CCSER2: variants seen among roughly 807,000 people sequenced by gnomAD.
The protein encoded by CCSER2 is serine-rich coiled-coil domain-containing protein 2.
Under a neutral mutation model 92.3 loss-of-function variants are expected in CCSER2, and 46 were observed. The ratio of observed to expected loss-of-function variants is 0.50; its 90% confidence interval spans 0.39 to 0.64. CCSER2 has a LOEUF of 0.64. Among genes scored for constraint, CCSER2 ranks in the 30% least tolerant of loss-of-function variants. The probability of loss-of-function intolerance (pLI) is 0.00; values close to 1 mark genes in which losing one functional copy is unlikely to be tolerated. For synonymous variants in CCSER2, 433 were observed against 431.4 expected (o/e 1.00, Z -0.04); for missense variants, 1,244 against 1,238.9 (o/e 1.00, Z -0.06).
Position 84,495,112 on chromosome 10 carries a change from T to C in CCSER2, c.2325+17448T>C, listed in dbSNP as rs144806103. 8.9e-3 allele frequency among the ~76,000 whole-genome samples: 1,359 copies of C among 151,936 alleles called. 12 individuals are homozygous for C. Among genetic ancestry groups the C allele is most frequent in the Non-Finnish European group, 0.013 (893 of 67,932 alleles). ...CTCTACTTCAGCTGTTTCCTACATA[T>C]TATATATTTTTTCAGCTGTTTCCTA... On this transcript the variant is annotated intron_variant, in intron 9 of 9. Transcript: ENST00000372088.
chr10:84,374,827 G>A (rs1846243588), intron 3 of CCSER2, among the ~76,000 whole-genome samples: 1 of 152,186 alleles, frequency 6.6e-6, no homozygotes. Flanking sequence ...TTGGTAGTCT[G>A]TGGATATATT....
In CCSER2 at chr10:84,401,943, C is replaced by A. The variant is rs900710191; in HGVS notation, c.1615-15828C>A. 4.6e-5 allele frequency among the ~76,000 whole-genome samples: 7 copies of A among 152,294 alleles called. No individual in the cohort carries two copies. In the South Asian group the frequency reaches 1.2e-3, roughly 27 times the overall value. On this transcript the variant is annotated intron_variant, in intron 3 of 9. Coordinates refer to ENST00000372088, the MANE Select transcript of CCSER2 (RefSeq NM_001284240.2). Reference sequence around the variant, plus strand: ...AGGTAAGAATTGAGAGGCATGACTCCTGCCTAGCAGACAGCGTTCTCTTTC... The same window carrying A: ...AGGTAAGAATTGAGAGGCATGACTCATGCCTAGCAGACAGCGTTCTCTTTC...
chr10:84,487,159 GT>G (rs1356042717), intron 9 of CCSER2, among the ~76,000 whole-genome samples: 1 of 152,208 alleles, frequency 6.6e-6, no homozygotes, highest in African/African-American at 2.4e-5. Context: ...TTGTAGTATA[GT>G]TTGAAGTCAG....
chr10:84,427,552 G>T (rs897418706), intron 5 of CCSER2, among the ~76,000 whole-genome samples: 1 of 152,020 alleles, frequency 6.6e-6, no homozygotes, highest in African/African-American at 2.4e-5. Context: ...CTTAACTCCC[G>T]TTATTATTGT....
intron 5 of CCSER2, among the ~76,000 whole-genome samples, chr10:84,428,981 A>G (rs372858187): frequency 7.8e-5 from 4 of 51,524 alleles, no homozygotes; most frequent in Non-Finnish European, 1.4e-4. Context: ...TTGTGTGTGT[A>G]TGTGTATATA....
At chr10:84,481,216 T>C (rs966910361) in intron 9 of CCSER2, among the ~76,000 whole-genome samples, 5 of 152,144 alleles carry the variant, frequency 3.3e-5, no homozygotes, top group African/African-American at 1.2e-4. Flanking sequence ...TTTCAGGTGG[T>C]ACTGGGAAGC....
intron 4 of CCSER2, among the ~76,000 whole-genome samples, chr10:84,421,872 A>T (rs1459976726): frequency 6.6e-6 from 1 of 152,190 alleles, no homozygotes; most frequent in African/African-American, 2.4e-5. Flanking sequence ...AGCTATATAG[A>T]AATGTGATTG....
intron 6 of CCSER2, among the ~76,000 whole-genome samples, chr10:84,440,618 TG>T (rs767009237): frequency 3.0e-4 from 45 of 152,220 alleles, no homozygotes; most frequent in Non-Finnish European, 5.0e-4. Flanking sequence ...TGCCATAATC[TG>T]GGACTGGATC....
intron 6 of CCSER2, among the ~76,000 whole-genome samples, chr10:84,458,137 A>G (rs1482299097): frequency 6.6e-6 from 1 of 152,126 alleles, no homozygotes; most frequent in Admixed American, 6.6e-5. Flanking sequence ...AAGATTGCAA[A>G]GATTTTCTAT....
At chr10:84,357,006 C>T (rs761909366) in intron 1 of CCSER2, among the ~76,000 whole-genome samples, 16 of 152,172 alleles carry the variant, frequency 1.1e-4, no homozygotes, top group Admixed American at 5.2e-4. Flanking sequence ...TAGGTGCCAG[C>T]CTATGTCTTA....
chr10:84,421,119 A>G (rs1164250732), intron 4 of CCSER2, among the ~76,000 whole-genome samples: 1 of 152,114 alleles, frequency 6.6e-6, no homozygotes, highest in Non-Finnish European at 1.5e-5. Context: ...TCATGGAAGA[A>G]GCCATGAGGA....
intron 5 of CCSER2, among the ~76,000 whole-genome samples, chr10:84,429,414 C>T (rs1234756887): frequency 6.6e-6 from 1 of 152,022 alleles, no homozygotes; most frequent in East Asian, 1.9e-4. Context: ...GGTGTGTTAG[C>T]AATAAATTCT....
chr10:84,402,344 TAGTCTTAAA>T (rs1322660936), intron 3 of CCSER2, among the ~76,000 whole-genome samples: 1 of 152,146 alleles, frequency 6.6e-6, no homozygotes, highest in Non-Finnish European at 1.5e-5. Flanking sequence ...AAAATAAAGA[TAGTCTTAAA>T]AGTCTTAATA....
chr10:84,485,724 G>A (rs1007460380), intron 9 of CCSER2, among the ~76,000 whole-genome samples: 21 of 152,028 alleles, frequency 1.4e-4, no homozygotes, highest in Non-Finnish European at 2.5e-4. Flanking sequence ...TCAGTTTTCA[G>A]AACACAGTTC....
intron 3 of CCSER2, among the ~76,000 whole-genome samples, chr10:84,412,704 A>G (rs1220896096): frequency 6.6e-6 from 1 of 152,202 alleles, no homozygotes; most frequent in Non-Finnish European, 1.5e-5. Flanking sequence ...GTGCTCAAAG[A>G]GACAGGTGGT....
intron 9 of CCSER2, among the ~76,000 whole-genome samples, chr10:84,506,232 A>G (rs1383441730): frequency 1.3e-5 from 2 of 152,138 alleles, no homozygotes; most frequent in Non-Finnish European, 2.9e-5. Flanking sequence ...AACAATTTAT[A>G]TTATCAATCT....
At chr10:84,386,966 A>G (rs925511185) in intron 3 of CCSER2, among the ~76,000 whole-genome samples, 8 of 152,156 alleles carry the variant, frequency 5.3e-5, no homozygotes, top group African/African-American at 1.9e-4. Context: ...ATAAGAGTTG[A>G]AAAATTACCT....
intron 6 of CCSER2, among the ~76,000 whole-genome samples, chr10:84,446,615 A>G (rs1844932646): frequency 6.7e-6 from 1 of 148,360 alleles, no homozygotes; most frequent in Non-Finnish European, 1.5e-5. Context: ...TGAAATATTC[A>G]TAATAAGAAT....
chr10:84,461,729 T>C lies in CCSER2; in HGVS notation c.2065-2204T>C, dbSNP rs141432649. On this transcript the variant is annotated intron_variant, in intron 6 of 9. Coordinates refer to ENST00000372088, the MANE Select transcript of CCSER2 (RefSeq NM_001284240.2). ...CAAGAGTTTATTCTTTTGGAGAATT[T>C]TAATAACAGCTCTGTTAAAATCTCT... Among the ~76,000 whole-genome samples the C allele has an allele frequency of 6.2e-3, 945 of 152,196 alleles. 12 individuals carry two copies. Among genetic ancestry groups the C allele is most frequent in the African/African-American group, 0.022 (913 of 41,556 alleles).
Sources: gnomAD v4.1 joint callset for allele counts (sites outside exome capture counted in the v4.1 genomes callset) on GRCh38, gnomAD v4.1.1 for gene constraint, MANE v1.5 for transcripts, NCBI Gene and HGNC (gene_info 2026-07-23, HGNC 2026-07-21) for gene names.